The following MRPL49 variants were observed in gnomAD, a reference collection of about 807,000 sequenced individuals.
MRPL49 encodes the protein large ribosomal subunit protein mL49.
MRPL49 carries 14 observed loss-of-function variants against 18.4 expected under a neutral mutation model. The observed-to-expected ratio is 0.76, with a 90% CI of 0.50 to 1.19. MRPL49 has a LOEUF of 1.19. Among genes scored for constraint, MRPL49 ranks in the 50% most tolerant of loss-of-function variants. The probability of loss-of-function intolerance (pLI) is 0.00; values close to 1 mark genes in which losing one functional copy is unlikely to be tolerated. For synonymous variants in MRPL49, 104 were observed against 86.2 expected, an observed-to-expected ratio of 1.21 and a Z score of -1.14; for missense variants, 190 against 217.8, an observed-to-expected ratio of 0.87 and a Z score of 0.80.
intron 1 of MRPL49, 101 bp from the exon 2 acceptor site, chr11:65,124,401 C>A: frequency 8.4e-7 from 1 of 1,186,610 alleles, no homozygotes; most frequent in Non-Finnish European, 1.2e-6. Flanking sequence ...TTATTTATGT[C>A]ATTCTCTCTG....
upstream of MRPL49, chr11:65,122,264 G>A: frequency 6.6e-7 from 1 of 1,503,812 alleles, no homozygotes; most frequent in Non-Finnish European, 9.1e-7. Context: ...TCGCACCGGC[G>A]AACCTGCCTG....
Position 65,122,415 on chromosome 11 carries a change from A to G in MRPL49, c.69A>G (p.Leu23=), listed in dbSNP as rs984634653. 3.7e-6 allele frequency: 6 copies of G among 1,612,574 alleles called. No homozygotes were observed. Among genetic ancestry groups the G allele is most frequent in the Admixed American group, 1.7e-5 (1 of 59,854 alleles). ...WRTGVQRGCG[L]RLLSQTQGPP... ...CCGGTGTCCAGCGGGGCTGCGGGCT[A>G]CGGCTGTTGGTGAGAGCGCTGAGCG... Residue 23 remains leucine (L), a synonymous_variant, in exon 1 of 4, where the codon CTA becomes CTG. Transcript: ENST00000279242.
chr11:65,123,462 CGGT>C (rs1263187232), intron 1 of MRPL49, among the ~76,000 whole-genome samples: 2 of 152,210 alleles, frequency 1.3e-5, no homozygotes, highest in Non-Finnish European at 2.9e-5. Context: ...GGGCCAGGCA[CGGT>C]GGCTCACGCC....
At position 65,126,170 on chromosome 11, in the gene MRPL49, C is replaced by T. The variant is rs1262171205; in HGVS notation, c.*298C>T. 1.7e-4 allele frequency: 46 copies of T among 269,420 alleles called. 1 individual carries two copies. The highest frequency in any genetic ancestry group is 9.1e-5 in the Non-Finnish European group (13 of 142,280). The allele number at this position is 269,420 out of a possible 1,614,324, so 16.7% of individuals were successfully genotyped here. A position where few individuals can be genotyped will look rare whatever the true frequency, so the allele number is the denominator to read the frequency against. On this transcript the variant is annotated 3_prime_UTR_variant, in exon 4 of 4. Coordinates refer to ENST00000279242, the MANE Select transcript of MRPL49 (RefSeq NM_004927.4). ...TTGTTTTTTGAGACGGAGTCTCACT[C>T]TGTTGCCCAGGGTGGAGTGCAGTGG...
rs73477209 is a variant in MRPL49, at chr11:65,124,930, C to A, written c.229+278C>A. 1,139 of 363,068 alleles carry A rather than the reference C, an allele frequency of 3.1e-3. 15 individuals are homozygous for A. The highest frequency in any genetic ancestry group is 0.022 in the African/African-American group (1,049 of 48,208). The allele number at this position is 363,068 out of a possible 1,614,324, so 22.5% of individuals were successfully genotyped here. ...AAACCCAAGAGCTTGGACCTTCTTT[C>A]CCCCCAGCAGACTATGTACTGTAAT... is the stretch of plus-strand genomic sequence containing the variant. On this transcript the variant is annotated intron_variant, in intron 2 of 3. Transcript: ENST00000279242.
At chr11:65,125,651 T>C (rs1254265660) in intron 3 of MRPL49, 39 bp downstream of exon 3, 1 of 1,613,334 alleles carries the variant, frequency 6.2e-7, no homozygotes, top group Non-Finnish European at 8.5e-7. Flanking sequence ...GCCTGACCCT[T>C]TCAGGGCTGA....
At chr11:65,122,596 C>T (rs986585170) in intron 1 of MRPL49, 172 bp downstream of exon 1, 9 of 621,346 alleles carry the variant, frequency 1.4e-5, no homozygotes, top group Middle Eastern at 5.7e-4. Flanking sequence ...AAATGGTAGA[C>T]TGGGGTGCTC....
At position 65,126,679 on chromosome 11, in the gene MRPL49, ATCT is replaced by A. The variant is rs1365828513; in HGVS notation, c.*811_*813del. ...GATGACTCGGGCATGGGTCTTGGAG[ATCT>A]TCTGTTCAAAGTACAGTGCTGGCAC... On this transcript the variant is annotated 3_prime_UTR_variant, in exon 4 of 4. Coordinates refer to ENST00000279242, the MANE Select transcript of MRPL49 (RefSeq NM_004927.4). 6.4e-6 allele frequency: 2 copies of A among 314,562 alleles called. No individual in the cohort carries two copies. Among genetic ancestry groups the A allele is most frequent in the African/African-American group, 2.1e-5 (1 of 47,022 alleles). 19.5% of individuals were successfully genotyped at this position (314,562 alleles called of 1,614,324 possible). A position where few individuals can be genotyped will look rare whatever the true frequency, so the allele number is the denominator to read the frequency against.
chr11:65,122,238 C>T (rs1948057191), upstream of MRPL49: 4 of 1,223,602 alleles, frequency 3.3e-6, no homozygotes, highest in Admixed American at 4.1e-5. Flanking sequence ...GCAGTCCTAG[C>T]TCCGCCCCTT....
chr11:65,125,949 G>A lies in MRPL49; in HGVS notation c.*77G>A. ...GGGCCTCAGGAGGAGGGAGGTGGGT[G>A]TTGGAGCCCCTGAGACAGGGGATAC... On this transcript the variant is annotated 3_prime_UTR_variant, in exon 4 of 4. Coordinates refer to ENST00000279242, the MANE Select transcript of MRPL49 (RefSeq NM_004927.4). 2 of 1,510,192 alleles carry A rather than the reference G, an allele frequency of 1.3e-6. No individual in the cohort carries two copies. Among genetic ancestry groups the A allele is most frequent in the Non-Finnish European group, 1.8e-6 (2 of 1,123,772 alleles). The allele number at this position is 1,510,192 out of a possible 1,614,324, so 93.5% of individuals were successfully genotyped here.
chr11:65,122,243 C>A, upstream of MRPL49: 2 of 1,277,224 alleles, frequency 1.6e-6, no homozygotes, highest in Non-Finnish European at 2.2e-6. Context: ...CCTAGCTCCG[C>A]CCCTTTACGC....
rs1948084239 is a variant in MRPL49, at chr11:65,124,732, C to A, written c.229+80C>A. 2.0e-6 allele frequency: 3 copies of A among 1,498,812 alleles called. No individual in the cohort carries two copies. The South Asian group carries it at 3.8e-5, about 19-fold the overall frequency. The allele number at this position is 1,498,812 out of a possible 1,614,324, so 92.8% of individuals were successfully genotyped here. On this transcript the variant is annotated intron_variant, in intron 2 of 3. Transcript: ENST00000279242. ...CCAGAGGTTGGCCTCCCCCATGAGG[C>A]TCTGGACTCTCCAGTGGGTTCAGGA...
In MRPL49 at chr11:65,126,174, T is replaced by G. The variant is rs1484781744; in HGVS notation, c.*302T>G. 3.9e-6 allele frequency: 1 copy of G among 254,270 alleles called. No homozygotes were observed. The highest frequency in any genetic ancestry group is 7.5e-6 in the Non-Finnish European group (1 of 132,932). The allele number at this position is 254,270 out of a possible 1,614,324, so 15.8% of individuals were successfully genotyped here. A position where few individuals can be genotyped will look rare whatever the true frequency, so the allele number is the denominator to read the frequency against. ...TTTTTGAGACGGAGTCTCACTCTGT[T>G]GCCCAGGGTGGAGTGCAGTGGCATG... On this transcript the variant is annotated 3_prime_UTR_variant, in exon 4 of 4. Transcript: ENST00000279242.
At chr11:65,123,870 G>T (rs1045728497) in intron 1 of MRPL49, among the ~76,000 whole-genome samples, 1 of 152,188 alleles carries the variant, frequency 6.6e-6, no homozygotes, top group Non-Finnish European at 1.5e-5. Context: ...TTGGACAGAT[G>T]GCCATGCAGG....
chr11:65,126,255 C>T lies in MRPL49; in HGVS notation c.*383C>T, dbSNP rs1360890274. 6.2e-6 allele frequency: 1 copy of T among 160,952 alleles called. No homozygotes were observed. The highest frequency in any genetic ancestry group is 1.4e-5 in the Non-Finnish European group (1 of 74,036). 10.0% of individuals were successfully genotyped at this position (160,952 alleles called of 1,614,324 possible). A position where few individuals can be genotyped will look rare whatever the true frequency, so the allele number is the denominator to read the frequency against. ...GATCAAGGGATTCTCCTGCCTCAGC[C>T]TCTTGAGTAGCTGGGATTACAGGCG... On this transcript the variant is annotated 3_prime_UTR_variant, in exon 4 of 4. Coordinates refer to ENST00000279242, the MANE Select transcript of MRPL49 (RefSeq NM_004927.4).
At chr11:65,122,184 C>T (rs2137220146), upstream of MRPL49, 1 of 678,418 alleles carries the variant, frequency 1.5e-6, no homozygotes, top group Middle Eastern at 4.1e-4. Flanking sequence ...TGTCACGTCA[C>T]TGCTGAGCGA....
intron 1 of MRPL49, among the ~76,000 whole-genome samples, chr11:65,124,293 C>A (rs1161588990): frequency 6.6e-6 from 1 of 152,190 alleles, no homozygotes; most frequent in Non-Finnish European, 1.5e-5. Context: ...CAAGAACTCT[C>A]TCTTCGTGGC....
upstream of MRPL49, chr11:65,122,296 G>T: frequency 6.3e-7 from 1 of 1,593,104 alleles, no homozygotes. Flanking sequence ...CGCGCAGGAC[G>T]GGGCGGGACC....
Position 65,125,490 on chromosome 11 carries a change from C to A in MRPL49, c.232C>A (p.Pro78Thr). The change falls in exon 3 of 4, where the codon CCC (proline) becomes ACC (threonine). Residue 78 changes from proline to threonine, a missense_variant and splice_region_variant. By Grantham distance (38) the Pro-to-Thr change is conservative (BLOSUM62 -1). Transcript: ENST00000279242. ...TPSGWQPPRD[P>T]PPNLPYFVRR... is the part of the protein sequence containing the mutation. ...AACAGTGTCTTTCCCTGTTGCAGAC[C>A]CCCCACCCAACCTGCCTTACTTTGT... 6.2e-7 allele frequency: 1 copy of A among 1,613,620 alleles called. No individual in the cohort carries two copies. The highest frequency in any genetic ancestry group is 8.5e-7 in the Non-Finnish European group (1 of 1,179,842).
Sources: allele counts gnomAD v4.1 joint callset (sites outside exome capture counted in the v4.1 genomes callset), GRCh38; gene constraint gnomAD v4.1.1; transcripts MANE v1.5; gene names NCBI Gene and HGNC (gene_info 2026-07-23, HGNC 2026-07-21).